The following HK1 variants were observed in gnomAD, a reference collection of about 807,000 sequenced individuals.
HK1 encodes hexokinase 1.
Under a neutral mutation model 91.6 loss-of-function variants are expected in HK1, and 28 were observed. The ratio of observed to expected loss-of-function variants is 0.31; its 90% CI spans 0.23 to 0.42. The LOEUF (loss-of-function observed/expected upper bound fraction) is 0.42, where lower values mean the gene tolerates loss of function less well. HK1 is among the 10% of genes least tolerant of loss of function. The pLI, the probability that HK1 is intolerant of heterozygous loss-of-function variation, is 1.00. For synonymous variants in HK1, 430 were observed against 468.1 expected, an observed-to-expected ratio of 0.92 and a Z score of 1.05; for missense variants, 770 against 1,219.8, an observed-to-expected ratio of 0.63 and a Z score of 5.49.
Position 69,398,682 on chromosome 10 carries a change from A to G in HK1, c.2463A>G (p.Thr821=), listed in dbSNP as rs1258934223. ...STCDDSILVK[T]VCGVVSRRAA... ...GCGATGACAGTATCCTCGTCAAGAC[A>G]GTGTGCGGGGTGGTGTCCAGGAGGG... The change falls in exon 17 of 18, where the codon ACA becomes ACG. Residue 821 remains threonine (T), a synonymous_variant. Transcript: ENST00000359426. 1 of 1,614,208 alleles carries G rather than the reference A, an allele frequency of 6.2e-7. No individual in the cohort carries two copies. The highest frequency in any genetic ancestry group is 8.5e-7 in the Non-Finnish European group (1 of 1,180,036).
Position 69,383,041 on chromosome 10 carries a change from C to T in HK1, c.1570+250C>T, listed in dbSNP as rs150236239. 7.3e-3 allele frequency among the ~76,000 whole-genome samples: 1,107 copies of T among 152,276 alleles called. 11 individuals carry two copies. Among genetic ancestry groups the T allele is most frequent in the Middle Eastern group, 0.027 (8 of 294 alleles). ...CTATCTCTAAAACCACAGCCCTGCT[C>T]AGAACAGTGCTCTTAGCTGGGCAAG... is the stretch of plus-strand genomic sequence containing the variant. On this transcript the variant is annotated intron_variant, in intron 10 of 17. Coordinates refer to ENST00000359426, the MANE Select transcript of HK1 (RefSeq NM_000188.3).
upstream of HK1, chr10:69,317,932 C>A: frequency 2.2e-6 from 1 of 463,296 alleles, no homozygotes; most frequent in Non-Finnish European, 2.8e-6. Context: ...TCCTCCCATC[C>A]TACGTAACTT....
chr10:69,376,826 G>A, intron 7 of HK1, 108 bp from the exon 8 acceptor site: 1 of 1,365,884 alleles, frequency 7.3e-7, no homozygotes, highest in Non-Finnish European at 1.0e-6. Context: ...GAGGCTGGGG[G>A]CTGGTGAGGG....
chr10:69,272,639 A>G (rs1472816), intron 1 of HK1, among the ~76,000 whole-genome samples: 57,830 of 142,058 alleles, frequency 0.41, 11,338 homozygotes, highest in South Asian at 0.53. Flanking sequence ...AATTCTTATT[A>G]CTGTTTTTCT....
At chr10:69,289,600 T>G (rs1459214932) in intron 3 of HK1, among the ~76,000 whole-genome samples, 46 of 144,260 alleles carry the variant, frequency 3.2e-4, no homozygotes, top group African/African-American at 1.1e-3. Flanking sequence ...GCCTCCCTAG[T>G]AGCTGAAATT....
chr10:69,277,650 G>C (rs1275510653), intron 1 of HK1, among the ~76,000 whole-genome samples: 1 of 152,148 alleles, frequency 6.6e-6, no homozygotes, highest in East Asian at 1.9e-4. Flanking sequence ...TTACAAAAAG[G>C]CTTTCCCACT....
chr10:69,393,216 GGTGATCCGCCT>G (rs1266682104), intron 15 of HK1, among the ~76,000 whole-genome samples: 1 of 152,180 alleles, frequency 6.6e-6, no homozygotes, highest in Non-Finnish European at 1.5e-5. Flanking sequence ...CCCGACCTCA[GGTGATCCGCCT>G]GTCTAGGTCT....
At chr10:69,300,695 C>T in intron 4 of HK1, 1 of 891,788 alleles carries the variant, frequency 1.1e-6, no homozygotes, top group Middle Eastern at 2.5e-4. Context: ...AACCATGCTT[C>T]ATCATCACAG....
intron 1 of HK1, among the ~76,000 whole-genome samples, chr10:69,319,425 G>A (rs1420339425): frequency 6.6e-6 from 1 of 152,254 alleles, no homozygotes; most frequent in Non-Finnish European, 1.5e-5. Flanking sequence ...GGTGCTGGCT[G>A]GAGGCCAGGC....
At chr10:69,339,577 C>T (rs1433544795) in intron 1 of HK1, among the ~76,000 whole-genome samples, 6 of 152,222 alleles carry the variant, frequency 3.9e-5, no homozygotes, top group Admixed American at 3.3e-4. Flanking sequence ...TGTCTGCAGC[C>T]TGCTTTTTGA....
intron 1 of HK1, chr10:69,338,776 A>T: frequency 2.9e-6 from 3 of 1,049,556 alleles, no homozygotes; most frequent in South Asian, 1.5e-5. Context: ...TGTATGTGAG[A>T]GTGTGTGTGT....
chr10:69,294,185 T>C (rs974528670), intron 3 of HK1, among the ~76,000 whole-genome samples: 1 of 152,156 alleles, frequency 6.6e-6, no homozygotes, highest in African/African-American at 2.4e-5. Flanking sequence ...TTCAAGTGTC[T>C]GTTTGCATGG....
At chr10:69,333,228 C>T (rs1281514730) in intron 1 of HK1, among the ~76,000 whole-genome samples, 1 of 152,226 alleles carries the variant, frequency 6.6e-6, no homozygotes, top group Middle Eastern at 3.2e-3. Context: ...AGTCCAGTCC[C>T]ACCACTGCAG....
chr10:69,328,330 G>A (rs1386163413), intron 1 of HK1, among the ~76,000 whole-genome samples: 3 of 152,324 alleles, frequency 2.0e-5, no homozygotes, highest in Admixed American at 1.3e-4. Flanking sequence ...CTCCAGACTC[G>A]GAGACCTCGA....
intron 9 of HK1, among the ~76,000 whole-genome samples, chr10:69,381,606 C>T (rs933458266): frequency 4.2e-5 from 6 of 142,370 alleles, no homozygotes; most frequent in East Asian, 2.1e-4. Context: ...TGGAGTGGAG[C>T]GGAGTGGTGT....
At chr10:69,291,232 G>A (rs896728334) in intron 3 of HK1, among the ~76,000 whole-genome samples, 5 of 152,220 alleles carry the variant, frequency 3.3e-5, no homozygotes, top group Non-Finnish European at 5.9e-5. Flanking sequence ...CAGCAGGTTT[G>A]GACTCCTGCA....
upstream of HK1, among the ~76,000 whole-genome samples, chr10:69,314,775 C>T (rs1480883151): frequency 2.0e-5 from 3 of 152,192 alleles, no homozygotes; most frequent in Non-Finnish European, 2.9e-5. Flanking sequence ...TCAAGCGATT[C>T]TCTTGCCTAA....
At chr10:69,338,335 T>G in intron 1 of HK1, 1 of 1,185,438 alleles carries the variant, frequency 8.4e-7, no homozygotes, top group Non-Finnish European at 1.1e-6. Context: ...CCCAGCTCGG[T>G]GTCTGATGTC....
At chr10:69,327,000 C>CGT (rs1847415801) in intron 1 of HK1, among the ~76,000 whole-genome samples, 2 of 110,926 alleles carry the variant, frequency 1.8e-5, no homozygotes, top group African/African-American at 3.4e-5. Flanking sequence ...TGGTTTTAAA[C>CGT]TTTTTTTTTT....
Sources: allele counts gnomAD v4.1 joint callset (sites outside exome capture counted in the v4.1 genomes callset), GRCh38; gene constraint gnomAD v4.1.1; transcripts MANE v1.5; gene names NCBI Gene and HGNC (gene_info 2026-07-23, HGNC 2026-07-21).